UGT2B10: variants seen among roughly 807,000 people sequenced by gnomAD.
UGT2B10 encodes UDP glucuronosyltransferase family 2 member B10.
Under a neutral mutation model 43.7 loss-of-function variants are expected in UGT2B10, and 51 were observed. That is an observed-to-expected ratio of 1.17 (90% confidence interval 0.93 to 1.47). The LOEUF (loss-of-function observed/expected upper bound fraction) is 1.47. Among genes scored for constraint, UGT2B10 ranks in the 40% most tolerant of loss-of-function variants. The pLI, the probability that UGT2B10 is intolerant of heterozygous loss-of-function variation, is 0.00. For synonymous variants in UGT2B10, 225 were observed against 209.0 expected (o/e 1.08, Z -0.66); for missense variants, 696 against 617.7 (o/e 1.13, Z -1.34).
rs1737840029 is a variant in UGT2B10, at chr4:68,827,393, C to T, written c.1152C>T (p.Tyr384=). The T allele has an allele frequency of 6.2e-7, 1 of 1,613,432 alleles. No homozygotes were observed. The highest frequency in any genetic ancestry group is 1.1e-5 in the South Asian group (1 of 91,068). Reference sequence around the variant, plus strand: ...CCAATGGCATCTATGAGGCAATCTACCATGGGATCCCTATGGTGGGCATTC... The same window carrying T: ...CCAATGGCATCTATGAGGCAATCTATCATGGGATCCCTATGGTGGGCATTC... ...GGANGIYEAI[Y]HGIPMVGIPL... is the part of the protein sequence containing the mutation. The change falls in exon 5 of 6, where the codon TAC becomes TAT. Residue 384 remains tyrosine, a synonymous_variant. Coordinates refer to ENST00000265403, the MANE Select transcript of UGT2B10 (RefSeq NM_001075.6).
intron 1 of UGT2B10, among the ~76,000 whole-genome samples, chr4:68,817,212 A>G (rs1378600629): frequency 6.6e-6 from 1 of 151,776 alleles, no homozygotes; most frequent in Non-Finnish European, 1.5e-5. Flanking sequence ...TTGTCTTCAC[A>G]GTAGAGAGAG....
chr4:68,823,241 T>A (rs906058410), intron 3 of UGT2B10, among the ~76,000 whole-genome samples: 1 of 152,068 alleles, frequency 6.6e-6, no homozygotes, highest in Non-Finnish European at 1.5e-5. Flanking sequence ...GGCATGGTGG[T>A]TCGCGCCTGT....
In UGT2B10 at chr4:68,831,351, C is replaced by T. The variant is rs1384866528; in HGVS notation, c.*472C>T. ...CAAACAATCCTCCCATTTTAGCATCCCAAAGGGATGAGATTACAGGTATGT... is the reference window on the plus strand; with the variant it reads ...CAAACAATCCTCCCATTTTAGCATCTCAAAGGGATGAGATTACAGGTATGT... On this transcript the variant is annotated 3_prime_UTR_variant, in exon 6 of 6. Transcript: ENST00000265403. Among the ~76,000 whole-genome samples, 5 of 151,774 alleles carry T rather than the reference C, an allele frequency of 3.3e-5. No individual in the cohort carries two copies. Among genetic ancestry groups the T allele is most frequent in the African/African-American group, 9.7e-5 (4 of 41,336 alleles).
chr4:68,827,675 G>A (rs71615095), intron 5 of UGT2B10, 127 bp downstream of exon 5: 338 of 1,434,636 alleles, frequency 2.4e-4, no homozygotes, highest in Non-Finnish European at 2.9e-4. Flanking sequence ...TAACCAATCC[G>A]AAATCTGCTT....
In UGT2B10 at chr4:68,830,867, A is replaced by C. The variant is rs753899843; in HGVS notation, c.1575A>C (p.Gly525=). Reference sequence around the variant, plus strand: ...AGTTTGCTAGAAAAGGAAAGAAGGGAAAAAGGGATTAGTTATATCTGAGAT... The same window carrying C: ...AGTTTGCTAGAAAAGGAAAGAAGGGCAAAAGGGATTAGTTATATCTGAGAT... ...FWKFARKGKK[G]KRD Residue 525 remains glycine (G), a synonymous_variant, in exon 6 of 6, where the codon GGA becomes GGC. Transcript: ENST00000265403. 2 of 1,612,704 alleles carry C rather than the reference A, an allele frequency of 1.2e-6. No individual in the cohort carries two copies. The highest frequency in any genetic ancestry group is 1.1e-5 in the South Asian group (1 of 91,002).
At chr4:68,824,995 G>A (rs538640322) in intron 3 of UGT2B10, among the ~76,000 whole-genome samples, 1 of 152,038 alleles carries the variant, frequency 6.6e-6, no homozygotes, top group Non-Finnish European at 1.5e-5. Flanking sequence ...TTGATAATTT[G>A]TAATTCCAAT....
Position 68,816,318 on chromosome 4 carries a change from A to T in UGT2B10, c.299A>T (p.Gln100Leu), listed in dbSNP as rs373776010. 6.2e-7 allele frequency: 1 copy of T among 1,613,152 alleles called. No individual in the cohort carries two copies. Among genetic ancestry groups the T allele is most frequent in the Non-Finnish European group, 8.5e-7 (1 of 1,179,426 alleles). ...TTGGTTAAGAGATTGTCAGAAATTCAAAAAGATACATTTTGGTTACCTTTT... is the reference window on the plus strand; with the variant it reads ...TTGGTTAAGAGATTGTCAGAAATTCTAAAAGATACATTTTGGTTACCTTTT... Reference protein sequence around the residue: ...MQLVKRLSEIQKDTFWLPFSQ... With the variant: ...MQLVKRLSEILKDTFWLPFSQ... Residue 100 changes from glutamine (Q) to leucine (L), a missense_variant, in exon 1 of 6, where the codon CAA becomes CTA. Transcript: ENST00000265403.
At chr4:68,820,864 T>C (rs933038542) in intron 2 of UGT2B10, among the ~76,000 whole-genome samples, 41 of 152,160 alleles carry the variant, frequency 2.7e-4, no homozygotes, top group Non-Finnish European at 2.9e-5. Flanking sequence ...TGTAGTATTT[T>C]TATAACATTA....
chr4:68,830,092 T>A (rs533393672), intron 5 of UGT2B10, among the ~76,000 whole-genome samples: 1 of 152,184 alleles, frequency 6.6e-6, no homozygotes, highest in African/African-American at 2.4e-5. Context: ...CATTTTCACA[T>A]CTTTCTTGCA....
Position 68,816,144 on chromosome 4 carries a change from T to C in UGT2B10, c.125T>C (p.Leu42Pro). The C allele has an allele frequency of 6.2e-7, 1 of 1,613,318 alleles. No homozygotes were observed. The highest frequency in any genetic ancestry group is 2.2e-5 in the East Asian group (1 of 44,838). The change falls in exon 1 of 6, where the codon CTG (leucine) becomes CCG (proline). Residue 42 changes from leucine (L) to proline (P), a missense_variant. By Grantham distance (98) the Leu-to-Pro change is moderately conservative. Transcript: ENST00000265403. The part of the protein sequence containing the change: ...YSLWMNMKTI[L>P]KELVQRGHEV... ...CTTTGGATGAATATGAAGACAATCCTGAAAGAACTTGTTCAGAGAGGTCAT... is the reference window on the plus strand; with the variant it reads ...CTTTGGATGAATATGAAGACAATCCCGAAAGAACTTGTTCAGAGAGGTCAT...
chr4:68,830,748 C>T lies in UGT2B10; in HGVS notation c.1456C>T (p.Gln486Ter), dbSNP rs748500923. The T allele has an allele frequency of 1.3e-5, 21 of 1,613,332 alleles. No individual in the cohort carries two copies. In the East Asian group the frequency reaches 2.9e-4, roughly 22 times the overall value. ...RVAAHNLTWF[Q>*]YHSLDVIGFL... Reference sequence around the variant, plus strand: ...TGCAGCCCACAACCTCACCTGGTTCCAGTACCACTCTTTGGATGTGATTGG... The same window carrying T: ...TGCAGCCCACAACCTCACCTGGTTCTAGTACCACTCTTTGGATGTGATTGG... Residue 486 changes from glutamine to a stop codon, truncating the protein, a stop_gained, in exon 6 of 6, where the codon CAG becomes TAG. Transcript: ENST00000265403. LOFTEE classifies it low-confidence loss of function (END_TRUNC).
chr4:68,827,449 C>G lies in UGT2B10; in HGVS notation c.1208C>G (p.Ala403Gly), dbSNP rs756281874. Residue 403 changes from alanine (A) to glycine (G), a missense_variant, in exon 5 of 6, where the codon GCT becomes GGT. Ala to Gly is a moderately conservative substitution (Grantham distance 60). Coordinates refer to ENST00000265403, the MANE Select transcript of UGT2B10 (RefSeq NM_001075.6). Reference sequence around the variant, plus strand: ...TTTTTTGATCAACCTGATAATATTGCTCACATGAAGGCCAAGGGAGCAGCT... The same window carrying G: ...TTTTTTGATCAACCTGATAATATTGGTCACATGAAGGCCAAGGGAGCAGCT... ...PLFFDQPDNI[A>G]HMKAKGAAVR... 1.2e-6 allele frequency: 2 copies of G among 1,613,432 alleles called. No individual in the cohort carries two copies. Among genetic ancestry groups the G allele is most frequent in the African/African-American group, 1.3e-5 (1 of 74,858 alleles).
chr4:68,818,055 A>G lies in UGT2B10; in HGVS notation c.745A>G (p.Met249Val). Residue 249 changes from methionine to valine, a missense_variant, in exon 2 of 6, where the codon ATG (methionine) becomes GTG (valine). Transcript: ENST00000265403. ...LGRPTTLSET[M>V]RKADIWLMRN... ...AAGACCCACTACATTATCTGAGACA[A>G]TGAGGAAAGCTGACATATGGCTTAT... The G allele has an allele frequency of 1.2e-6, 2 of 1,610,966 alleles. No individual in the cohort carries two copies. The highest frequency in any genetic ancestry group is 1.7e-6 in the Non-Finnish European group (2 of 1,178,308).
intron 5 of UGT2B10, among the ~76,000 whole-genome samples, 187 bp from the exon 6 acceptor site, chr4:68,830,413 C>T (rs576014999): frequency 2.6e-5 from 4 of 151,332 alleles, no homozygotes; most frequent in South Asian, 2.1e-4. Flanking sequence ...AAATATTTGT[C>T]AATGAGAAAA....
At chr4:68,819,215 G>C (rs1168551734) in intron 2 of UGT2B10, among the ~76,000 whole-genome samples, 1 of 151,870 alleles carries the variant, frequency 6.6e-6, no homozygotes, top group African/African-American at 2.4e-5. Context: ...TTGCAATTAT[G>C]GTTATTTTAT....
chr4:68,820,732 T>C (rs1411593828), intron 2 of UGT2B10, among the ~76,000 whole-genome samples: 1 of 152,050 alleles, frequency 6.6e-6, no homozygotes, highest in Admixed American at 6.6e-5. Flanking sequence ...CCTATATAAG[T>C]AGGGCAAAAT....
At chr4:68,826,543 T>C (rs1737792159) in intron 4 of UGT2B10, 46 bp downstream of exon 4, 4 of 1,571,910 alleles carry the variant, frequency 2.5e-6, no homozygotes, top group Non-Finnish European at 3.5e-6. Flanking sequence ...AACTGCACAT[T>C]AGAGTGTTAA....
intron 5 of UGT2B10, among the ~76,000 whole-genome samples, chr4:68,830,086 T>C (rs1411233851): frequency 6.6e-6 from 1 of 152,070 alleles, no homozygotes; most frequent in Non-Finnish European, 1.5e-5. Context: ...AGATTGCATT[T>C]TCACATCTTT....
At chr4:68,823,588 C>T (rs927385173) in intron 3 of UGT2B10, among the ~76,000 whole-genome samples, 1 of 152,040 alleles carries the variant, frequency 6.6e-6, no homozygotes, top group African/African-American at 2.4e-5. Context: ...AACATGGTGC[C>T]TGGAAGATGT....
Sources: gnomAD v4.1 joint callset for allele counts (sites outside exome capture counted in the v4.1 genomes callset) on GRCh38, gnomAD v4.1.1 for gene constraint, MANE v1.5 for transcripts, NCBI Gene and HGNC (gene_info 2026-07-23, HGNC 2026-07-21) for gene names.